Variants in SNTB1 observed in about 807,000 individuals in gnomAD.
The protein encoded by SNTB1 is beta-1-syntrophin.
In SNTB1, 36 loss-of-function variants were observed where a neutral mutation model predicts 48.9. The ratio of observed to expected loss-of-function variants is 0.74; its 90% confidence interval spans 0.56 to 0.97. The LOEUF is 0.97. Among genes scored for constraint, SNTB1 ranks in the 50% least tolerant of loss-of-function variants. The pLI is 0.00. For missense variants in SNTB1, 786 were observed against 703.4 expected (o/e 1.12, Z -1.33); for synonymous variants, 299 against 294.6 (o/e 1.01, Z -0.15).
At chr8:120,574,937 A>G (rs937849183) in intron 4 of SNTB1, 149 bp downstream of exon 4, 3 of 868,012 alleles carry the variant, frequency 3.5e-6, no homozygotes, top group African/African-American at 3.4e-5. Flanking sequence ...TCATTAATCT[A>G]TGTGGCTAAA....
chr8:120,802,030 A>G (rs926907838), intron 1 of SNTB1, among the ~76,000 whole-genome samples: 32 of 152,072 alleles, frequency 2.1e-4, no homozygotes, highest in African/African-American at 7.7e-4. Flanking sequence ...ATCTTATTAG[A>G]CTCCCCATTG....
At chr8:120,691,748 A>T (rs188477591) in intron 2 of SNTB1, among the ~76,000 whole-genome samples, 113 of 151,864 alleles carry the variant, frequency 7.4e-4, no homozygotes, top group Admixed American at 2.3e-3. Context: ...TAGACTATTT[A>T]AAAAAAAACA....
At chr8:120,701,901 A>G (rs529941161) in intron 1 of SNTB1, among the ~76,000 whole-genome samples, 3 of 152,218 alleles carry the variant, frequency 2.0e-5, no homozygotes, top group Non-Finnish European at 4.4e-5. Flanking sequence ...TTCCGCCTCC[A>G]AAGAAAAGAT....
intron 1 of SNTB1, among the ~76,000 whole-genome samples, chr8:120,717,485 A>G (rs1005792463): frequency 2.5e-4 from 38 of 152,352 alleles, no homozygotes; most frequent in African/African-American, 9.1e-4. Context: ...GTTTTGTTCC[A>G]ACTTTGCCAC....
chr8:120,798,976 TG>T (rs1253911275), intron 1 of SNTB1, among the ~76,000 whole-genome samples: 1 of 152,056 alleles, frequency 6.6e-6, no homozygotes, highest in East Asian at 1.9e-4. Context: ...GGCATCTTTT[TG>T]TTGGGAGTAC....
chr8:120,768,695 T>C (rs983789970), intron 1 of SNTB1: 3 of 152,236 alleles, frequency 2.0e-5, no homozygotes, highest in Non-Finnish European at 4.4e-5. Flanking sequence ...CCTGTGAATG[T>C]GCTTCAAGTC....
intron 1 of SNTB1, among the ~76,000 whole-genome samples, chr8:120,781,803 A>C (rs1037617909): frequency 6.6e-6 from 1 of 152,204 alleles, no homozygotes; most frequent in African/African-American, 2.4e-5. Flanking sequence ...TGTTAAAGAG[A>C]AGAACAAGAA....
At chr8:120,726,765 A>G (rs1226518361) in intron 1 of SNTB1, among the ~76,000 whole-genome samples, 1 of 152,192 alleles carries the variant, frequency 6.6e-6, no homozygotes, top group Non-Finnish European at 1.5e-5. Flanking sequence ...TCGACACTGA[A>G]CTTCCAGTAG....
In SNTB1 at chr8:120,548,815, C is replaced by A; in HGVS notation, c.1280G>T (p.Ser427Ile). The change falls in exon 5 of 7, where the codon AGC becomes ATC. Residue 427 changes from serine to isoleucine, a missense_variant. Ser to Ile is a moderately radical substitution (Grantham distance 142, BLOSUM62 -2). Coordinates refer to ENST00000517992, the MANE Select transcript of SNTB1 (RefSeq NM_021021.4). Reference sequence around the variant, plus strand: ...AGAATTGTGGCAACCCTGTACTATGCTCCTTGTCCAGTGGGAGAGGTCCCT... The same window carrying A: ...AGAATTGTGGCAACCCTGTACTATGATCCTTGTCCAGTGGGAGAGGTCCCT... ...TSRDLSHWTR[S>I]IVQGCHNSAE... is the part of the protein sequence containing the mutation. 6.2e-7 allele frequency: 1 copy of A among 1,614,134 alleles called. No individual in the cohort carries two copies. The highest frequency in any genetic ancestry group is 8.5e-7 in the Non-Finnish European group (1 of 1,180,002).
chr8:120,760,910 GA>G (rs1819408666), intron 1 of SNTB1, among the ~76,000 whole-genome samples: 1 of 151,926 alleles, frequency 6.6e-6, no homozygotes, highest in African/African-American at 2.4e-5. Flanking sequence ...TTTTCTGCAT[GA>G]AAAAATACCG....
intron 1 of SNTB1, among the ~76,000 whole-genome samples, chr8:120,721,659 A>G (rs1818660104): frequency 6.6e-6 from 1 of 152,224 alleles, no homozygotes; most frequent in Non-Finnish European, 1.5e-5. Flanking sequence ...TTGATGTTTT[A>G]TATAGGTTTC....
intron 2 of SNTB1, among the ~76,000 whole-genome samples, chr8:120,669,876 G>A (rs1053701416): frequency 6.6e-6 from 1 of 152,214 alleles, no homozygotes; most frequent in African/African-American, 2.4e-5. Flanking sequence ...GATGCTGCTG[G>A]TGTCCCTGTA....
chr8:120,646,851 T>A (rs1319942969), intron 2 of SNTB1, among the ~76,000 whole-genome samples: 1 of 152,122 alleles, frequency 6.6e-6, no homozygotes, highest in Non-Finnish European at 1.5e-5. Flanking sequence ...GCTCCTGTTA[T>A]TGGTCTATTC....
At chr8:120,572,896 CA>C (rs751441066) in intron 4 of SNTB1, among the ~76,000 whole-genome samples, 1 of 152,108 alleles carries the variant, frequency 6.6e-6, no homozygotes, top group African/African-American at 2.4e-5. Context: ...GACTGGGTGA[CA>C]AGAGTGAAAC....
At chr8:120,600,322 A>G (rs1453382280) in intron 3 of SNTB1, among the ~76,000 whole-genome samples, 3 of 152,250 alleles carry the variant, frequency 2.0e-5, no homozygotes, top group Non-Finnish European at 4.4e-5. Context: ...GACAGAGAAC[A>G]TGGAGAACAA....
intron 1 of SNTB1, among the ~76,000 whole-genome samples, chr8:120,712,025 A>T (rs867394799): frequency 6.6e-6 from 1 of 152,244 alleles, no homozygotes; most frequent in East Asian, 1.9e-4. Context: ...ATTTACAAAC[A>T]TTAAGACATA....
intron 1 of SNTB1, among the ~76,000 whole-genome samples, chr8:120,759,601 C>T (rs75258839): frequency 0.023 from 3,498 of 152,246 alleles, 131 homozygotes; most frequent in African/African-American, 0.08. Flanking sequence ...TCTCAGGAAG[C>T]GCAATACATC....
intron 4 of SNTB1, among the ~76,000 whole-genome samples, chr8:120,559,393 C>T (rs1351753977): frequency 6.6e-6 from 1 of 152,188 alleles, no homozygotes; most frequent in East Asian, 1.9e-4. Flanking sequence ...AATTTGAAGA[C>T]TTGTACATAA....
intron 1 of SNTB1, among the ~76,000 whole-genome samples, chr8:120,697,581 T>C (rs1818232433): frequency 6.6e-6 from 1 of 152,194 alleles, no homozygotes; most frequent in Non-Finnish European, 1.5e-5. Flanking sequence ...AAGAATCAAA[T>C]GCAAGTCCTT....
Sources: allele counts gnomAD v4.1 joint callset (sites outside exome capture counted in the v4.1 genomes callset), GRCh38; gene constraint gnomAD v4.1.1; transcripts MANE v1.5; gene names NCBI Gene and HGNC (gene_info 2026-07-23, HGNC 2026-07-21).